The following AK9 variants were observed in gnomAD, a reference collection of about 807,000 sequenced individuals.
AK9 encodes adenylate kinase domain containing 1.
In AK9, 191 loss-of-function variants were observed where a neutral mutation model predicts 239.6. That is an observed-to-expected ratio of 0.80 (90% CI 0.71 to 0.90). The LOEUF is 0.90. Among genes scored for constraint, AK9 ranks in the 40% least tolerant of loss-of-function variants. The probability of loss-of-function intolerance (pLI) is 0.00; values close to 1 mark genes in which losing one functional copy is unlikely to be tolerated. For synonymous variants in AK9, 689 were observed against 721.0 expected, an observed-to-expected ratio of 0.96 and a Z score of 0.71; for missense variants, 1,995 against 2,214.7, an observed-to-expected ratio of 0.90 and a Z score of 1.99.
chr6:109,537,043 A>G (rs1405710951), intron 27 of AK9, among the ~76,000 whole-genome samples: 1 of 152,182 alleles, frequency 6.6e-6, no homozygotes, highest in African/African-American at 2.4e-5. Context: ...AATGTTCATC[A>G]GGGATATTGG....
At chr6:109,501,828 G>C (rs1003352484) in intron 35 of AK9, among the ~76,000 whole-genome samples, 2 of 152,240 alleles carry the variant, frequency 1.3e-5, no homozygotes, top group African/African-American at 4.8e-5. Context: ...GAAGAGCTGA[G>C]AGCCAGCTGG....
At chr6:109,525,350 G>C (rs1780354891) in intron 29 of AK9, among the ~76,000 whole-genome samples, 1 of 152,122 alleles carries the variant, frequency 6.6e-6, no homozygotes, top group South Asian at 2.1e-4. Context: ...TCACGCAAAA[G>C]AAACTATCAA....
At chr6:109,599,132 G>C (rs562247599) in intron 17 of AK9, among the ~76,000 whole-genome samples, 46 of 152,274 alleles carry the variant, frequency 3.0e-4, no homozygotes, top group Non-Finnish European at 4.0e-4. Flanking sequence ...TGGTGTTTTA[G>C]ACATGAAGTC....
intron 9 of AK9, 27 bp from the exon 10 acceptor site, chr6:109,641,643 TAC>T (rs1204337070): frequency 6.4e-7 from 1 of 1,563,914 alleles, no homozygotes; most frequent in South Asian, 1.1e-5. Flanking sequence ...GATATTTAAC[TAC>T]ATTGGCATCT....
At chr6:109,528,560 T>C (rs778242203) in intron 29 of AK9, 1 of 457,154 alleles carries the variant, frequency 2.2e-6, no homozygotes, top group South Asian at 1.5e-5. Context: ...TATTTTGTTT[T>C]GACAAAGCAA....
chr6:109,493,502 C>T lies in AK9; in HGVS notation c.5603G>A (p.Ser1868Asn). The T allele has an allele frequency of 1.2e-6, 2 of 1,614,144 alleles. No homozygotes were observed. The highest frequency in any genetic ancestry group is 1.7e-6 in the Non-Finnish European group (2 of 1,180,008). The change falls in exon 41 of 41, where the codon AGT (serine) becomes AAT (asparagine). Residue 1868 changes from serine (S) to asparagine (N), a missense_variant. This residue lies in a region of AK9 where 391 missense variants were observed against 456.0 expected (regional missense o/e 0.86). Coordinates refer to ENST00000424296, the MANE Select transcript of AK9 (RefSeq NM_001145128.3). Reference protein sequence around the residue: ...YKKKMEQFMESCELITYLGAK... With the variant: ...YKKKMEQFMENCELITYLGAK... ...ACCCAAGTATGTTATGAGTTCACAA[C>T]TCTCCATAAACTGCTCCATCTTCTT...
intron 13 of AK9, among the ~76,000 whole-genome samples, chr6:109,617,007 G>A (rs897315948): frequency 6.6e-6 from 1 of 152,018 alleles, no homozygotes; most frequent in Non-Finnish European, 1.5e-5. Flanking sequence ...CCAACATACT[G>A]TTAATAACTA....
intron 17 of AK9, among the ~76,000 whole-genome samples, chr6:109,594,053 T>C (rs9400302): frequency 0.18 from 28,076 of 152,110 alleles, 3,154 homozygotes; most frequent in South Asian, 0.33. Flanking sequence ...GGTATTCAAA[T>C]AGGAAGAGAG....
At chr6:109,682,798 C>T (rs576242101) in intron 1 of AK9, among the ~76,000 whole-genome samples, 1 of 152,272 alleles carries the variant, frequency 6.6e-6, no homozygotes, top group Admixed American at 6.5e-5. Context: ...GATGGATTCA[C>T]AGCCGAATTC....
intron 3 of AK9, among the ~76,000 whole-genome samples, chr6:109,673,778 G>A (rs1025178654): frequency 7.9e-5 from 12 of 151,898 alleles, no homozygotes; most frequent in African/African-American, 2.7e-4. Context: ...TTTCATAAAT[G>A]CTATGAACAA....
At chr6:109,530,974 C>T (rs913803306) in intron 28 of AK9, among the ~76,000 whole-genome samples, 2 of 151,844 alleles carry the variant, frequency 1.3e-5, no homozygotes, top group Non-Finnish European at 1.5e-5. Flanking sequence ...ACCCAAGTGG[C>T]GGAGGTTGCA....
intron 32 of AK9, among the ~76,000 whole-genome samples, chr6:109,512,066 A>C (rs762949980): frequency 1.3e-5 from 2 of 152,210 alleles, no homozygotes; most frequent in Admixed American, 1.3e-4. Context: ...CTGCATTCCC[A>C]GACAGTTAAG....
chr6:109,672,360 G>A (rs1411162718), intron 3 of AK9, among the ~76,000 whole-genome samples, 193 bp from the exon 4 acceptor site: 1 of 152,126 alleles, frequency 6.6e-6, no homozygotes, highest in Non-Finnish European at 1.5e-5. Flanking sequence ...CTTCCATAGA[G>A]AACTTGTCTC....
chr6:109,652,098 C>G (rs916264101), intron 8 of AK9, among the ~76,000 whole-genome samples: 1 of 151,916 alleles, frequency 6.6e-6, no homozygotes, highest in East Asian at 1.9e-4. Context: ...AGAGAAACAA[C>G]AAAAAAAGAG....
At position 109,492,959 on chromosome 6, in the gene AK9, G is replaced by T. The variant is rs999036399; in HGVS notation, c.*410C>A. ...TGTAAAATGTATAACCCATATTTTG[G>T]TTTCATTTATAACAATGTTAAATGT... On this transcript the variant is annotated 3_prime_UTR_variant, in exon 41 of 41. Coordinates refer to ENST00000424296, the MANE Select transcript of AK9 (RefSeq NM_001145128.3). 1 of 155,420 alleles carries T rather than the reference G, an allele frequency of 6.4e-6. No homozygotes were observed. The highest frequency in any genetic ancestry group is 1.4e-5 in the Non-Finnish European group (1 of 70,218). The allele number at this position is 155,420 out of a possible 1,614,324, so 9.6% of individuals were successfully genotyped here.
intron 29 of AK9, among the ~76,000 whole-genome samples, chr6:109,522,697 T>C (rs898239821): frequency 6.6e-5 from 10 of 152,184 alleles, no homozygotes; most frequent in African/African-American, 2.4e-4. Flanking sequence ...TATGATCAAT[T>C]GTTCTGTTTG....
At chr6:109,548,035 C>T (rs1455506000) in intron 25 of AK9, among the ~76,000 whole-genome samples, 1 of 151,412 alleles carries the variant, frequency 6.6e-6, no homozygotes, top group Non-Finnish European at 1.5e-5. Flanking sequence ...ATTAGAATGG[C>T]TATTATCAAA....
chr6:109,653,684 T>TTTCTC (rs1554284249), intron 8 of AK9, among the ~76,000 whole-genome samples: 1 of 150,114 alleles, frequency 6.7e-6, no homozygotes, highest in African/African-American at 2.4e-5. Context: ...TTTTTTTTTT[T>TTTCTC]TCTCTCTCTT....
chr6:109,615,109 C>T (rs541981581), intron 13 of AK9, among the ~76,000 whole-genome samples: 37 of 152,248 alleles, frequency 2.4e-4, no homozygotes, highest in African/African-American at 7.0e-4. Flanking sequence ...TCCAGGAGCC[C>T]GGCTAACTTC....
Sources: gnomAD v4.1 joint callset for allele counts (sites outside exome capture counted in the v4.1 genomes callset) on GRCh38, gnomAD v4.1.1 for gene constraint, gnomAD v4.1.1 regional missense constraint, MANE v1.5 for transcripts, NCBI Gene and HGNC (gene_info 2026-07-23, HGNC 2026-07-21) for gene names.